The following TFB1M variants were observed in gnomAD, a reference collection of about 807,000 sequenced individuals.
The protein encoded by TFB1M is transcription factor B1, mitochondrial.
In TFB1M, 27 loss-of-function variants were observed where a neutral mutation model predicts 31.1. That is an observed-to-expected ratio of 0.87 (90% CI 0.64 to 1.20). TFB1M has a LOEUF of 1.20. Among genes scored for constraint, TFB1M ranks in the 50% most tolerant of loss-of-function variants. The probability of loss-of-function intolerance (pLI) is 0.00; values close to 1 mark genes in which losing one functional copy is unlikely to be tolerated. For missense variants in TFB1M, 394 were observed against 418.7 expected (o/e 0.94, Z 0.51); for synonymous variants, 166 against 151.8 (o/e 1.09, Z -0.69).
the TFB1M span, among the ~76,000 whole-genome samples, chr6:155,237,561 C>A: frequency 6.6e-6 from 1 of 152,262 alleles, no homozygotes; most frequent in Admixed American, 6.5e-5. Flanking sequence ...CCTGCCCCTG[C>A]AGCAAACTTC....
At chr6:155,273,521 G>A (rs1253070211) in intron 5 of TFB1M, among the ~76,000 whole-genome samples, 2 of 152,218 alleles carry the variant, frequency 1.3e-5, no homozygotes, top group Non-Finnish European at 2.9e-5. Context: ...CTGAAGCTGA[G>A]CCATGTGGCC....
At chr6:155,260,665 A>T in intron 5 of TFB1M, 3 of 506,750 alleles carry the variant, frequency 5.9e-6, no homozygotes, top group Non-Finnish European at 1.1e-5. Context: ...ATTTTAAAAC[A>T]CAGTTTCACA....
chr6:155,262,892 G>C (rs1286527157), intron 5 of TFB1M, among the ~76,000 whole-genome samples: 1 of 152,156 alleles, frequency 6.6e-6, no homozygotes, highest in East Asian at 1.9e-4. Flanking sequence ...AAATATAGTA[G>C]TACCCCATGT....
At chr6:155,250,890 T>G in the TFB1M span, 33 of 1,608,122 alleles carry the variant, frequency 2.1e-5, no homozygotes, top group Non-Finnish European at 2.8e-5. Flanking sequence ...GTATCTTCCT[T>G]ACCTCCTGTT....
Position 155,256,742 on chromosome 6 carries a change from G to GT in TFB1M, c.*1093dup. On this transcript the variant is annotated 3_prime_UTR_variant, in exon 7 of 7. Coordinates refer to ENST00000367166, the MANE Select transcript of TFB1M (RefSeq NM_016020.4). ...CTGAGCGATGAAGATGATGACCACC[G>GT]TCAGACTGTGAAGCAGGGCAGCCCT... The GT allele has an allele frequency of 6.2e-7, 1 of 1,614,202 alleles. No individual in the cohort carries two copies. Among genetic ancestry groups the GT allele is most frequent in the Non-Finnish European group, 8.5e-7 (1 of 1,180,026 alleles).
At chr6:155,258,439 T>C (rs191524684) in intron 6 of TFB1M, among the ~76,000 whole-genome samples, 7 of 152,346 alleles carry the variant, frequency 4.6e-5, no homozygotes, top group African/African-American at 1.7e-4. Flanking sequence ...AAAGTTGTAT[T>C]ATTTCTTGTG....
chr6:155,289,533 T>C (rs1776808689), intron 4 of TFB1M, among the ~76,000 whole-genome samples: 1 of 152,212 alleles, frequency 6.6e-6, no homozygotes, highest in South Asian at 2.1e-4. Flanking sequence ...TGTCCCTTAA[T>C]GCATATGAGC....
At chr6:155,249,577 G>C in the TFB1M span, among the ~76,000 whole-genome samples, 1 of 152,212 alleles carries the variant, frequency 6.6e-6, no homozygotes, top group Non-Finnish European at 1.5e-5. Flanking sequence ...AGTAGAAAGT[G>C]CTCCAGAAAT....
chr6:155,280,593 A>C (rs1785452574), intron 5 of TFB1M, among the ~76,000 whole-genome samples: 1 of 152,134 alleles, frequency 6.6e-6, no homozygotes, highest in African/African-American at 2.4e-5. Flanking sequence ...ATCCCATCTC[A>C]ATCTGATTCT....
intron 6 of TFB1M, among the ~76,000 whole-genome samples, 200 bp from the exon 7 acceptor site, chr6:155,258,282 G>A (rs1277985627): frequency 1.3e-5 from 2 of 152,178 alleles, no homozygotes; most frequent in African/African-American, 4.8e-5. Flanking sequence ...AACCTGAGGC[G>A]CGAGGCAAGC....
At chr6:155,303,409 G>C (rs1335268149) in intron 2 of TFB1M, 1 of 152,116 alleles carries the variant, frequency 6.6e-6, no homozygotes. Context: ...TTCTGTTACT[G>C]TAACAACTGT....
At chr6:155,274,210 A>G (rs965844635) in intron 5 of TFB1M, among the ~76,000 whole-genome samples, 1 of 152,218 alleles carries the variant, frequency 6.6e-6, no homozygotes, top group South Asian at 2.1e-4. Flanking sequence ...CCACTTTAGC[A>G]TACCATTCAA....
At chr6:155,291,502 C>T (rs1187355915) in intron 4 of TFB1M, among the ~76,000 whole-genome samples, 1 of 152,202 alleles carries the variant, frequency 6.6e-6, no homozygotes, top group Non-Finnish European at 1.5e-5. Flanking sequence ...GGGTTCCTAA[C>T]AAACATGCAA....
At chr6:155,252,340 G>C (rs147826593), downstream of TFB1M, among the ~76,000 whole-genome samples, 6 of 152,098 alleles carry the variant, frequency 3.9e-5, no homozygotes, top group African/African-American at 1.2e-4. Context: ...GTGGTAGCAC[G>C]TGCCTGTAGT....
rs1562384932 is a variant in TFB1M, at chr6:155,260,301, G to GGAACT, written c.761_765dup (p.Arg256SerfsTer28). 1 of 1,614,120 alleles carries GGAACT rather than the reference G, an allele frequency of 6.2e-7. No homozygotes were observed. The highest frequency in any genetic ancestry group is 8.5e-7 in the Non-Finnish European group (1 of 1,179,962). ...AGCCCTCGATGGCAGTATTTCCTTC[G>GGAACT]GAACTGAAATACATTCTGAACCACT... is the stretch of plus-strand genomic sequence containing the variant. On this transcript the variant is annotated frameshift_variant, in exon 6 of 7. Transcript: ENST00000367166. LOFTEE classifies it low-confidence loss of function (END_TRUNC).
the TFB1M span, chr6:155,250,749 T>C: frequency 6.2e-6 from 7 of 1,137,994 alleles, 1 homozygote; most frequent in South Asian, 1.0e-4. Context: ...TAACTCATAT[T>C]TTCAAAAGCT....
At chr6:155,230,697 T>G in the TFB1M span, among the ~76,000 whole-genome samples, 1 of 152,172 alleles carries the variant, frequency 6.6e-6, no homozygotes. Flanking sequence ...AGCCAAAAGA[T>G]TAAAATAACT....
intron 4 of TFB1M, 109 bp downstream of exon 4, chr6:155,296,844 T>C: frequency 1.9e-6 from 2 of 1,068,886 alleles, no homozygotes; most frequent in Non-Finnish European, 2.8e-6. Context: ...CTTGTGTGTG[T>C]AATAAGATAT....
At chr6:155,275,906 A>G (rs763765716) in intron 5 of TFB1M, 1 of 1,614,154 alleles carries the variant, frequency 6.2e-7, no homozygotes, top group South Asian at 1.1e-5. Context: ...TGGGATGTTC[A>G]GCTGTGCCCT....
Sources: allele counts gnomAD v4.1 joint callset (sites outside exome capture counted in the v4.1 genomes callset), GRCh38; gene constraint gnomAD v4.1.1; transcripts MANE v1.5; gene names NCBI Gene and HGNC (gene_info 2026-07-23, HGNC 2026-07-21).